The following SUGCT variants were observed in gnomAD, a reference collection of about 807,000 sequenced individuals.
The protein encoded by SUGCT is succinyl-CoA:glutarate-CoA transferase.
A neutral mutation model predicts 55.0 loss-of-function variants in SUGCT; 41 were observed. The ratio of observed to expected loss-of-function variants is 0.74; its 90% CI spans 0.58 to 0.97. The LOEUF (loss-of-function observed/expected upper bound fraction) is 0.97. SUGCT is among the 50% of genes least tolerant of loss of function. The pLI is 0.00. For synonymous variants in SUGCT, 187 were observed against 200.4 expected, an observed-to-expected ratio of 0.93 and a Z score of 0.56; for missense variants, 568 against 547.8, an observed-to-expected ratio of 1.04 and a Z score of -0.37.
intron 12 of SUGCT, among the ~76,000 whole-genome samples, chr7:40,637,615 C>T (rs1337993556): frequency 6.6e-6 from 1 of 152,228 alleles, no homozygotes; most frequent in Non-Finnish European, 1.5e-5. Flanking sequence ...ACCCCCACTT[C>T]AGCGTGATGG....
At chr7:40,828,314 G>T (rs906004644) in intron 13 of SUGCT, among the ~76,000 whole-genome samples, 1 of 152,148 alleles carries the variant, frequency 6.6e-6, no homozygotes, top group African/African-American at 2.4e-5. Flanking sequence ...GTTCCAGTTG[G>T]GGGCTATAGG....
chr7:40,773,790 G>A (rs1789310218), intron 13 of SUGCT, among the ~76,000 whole-genome samples: 1 of 152,106 alleles, frequency 6.6e-6, no homozygotes, highest in Non-Finnish European at 1.5e-5. Context: ...AGAAAGTTGA[G>A]GTCAAGCAAT....
chr7:40,699,030 T>C (rs1345881968), intron 12 of SUGCT, among the ~76,000 whole-genome samples: 1 of 151,956 alleles, frequency 6.6e-6, no homozygotes, highest in Non-Finnish European at 1.5e-5. Flanking sequence ...GATCTGGGAG[T>C]AGGTTTTGAT....
intron 13 of SUGCT, among the ~76,000 whole-genome samples, chr7:40,854,945 AC>A (rs1794093630): frequency 6.6e-6 from 1 of 152,056 alleles, no homozygotes; most frequent in South Asian, 2.1e-4. Flanking sequence ...CTTAAAAAAA[AC>A]AAAAAGTTGA....
chr7:40,623,624 C>T (rs537321944), intron 12 of SUGCT, among the ~76,000 whole-genome samples: 1 of 152,146 alleles, frequency 6.6e-6, no homozygotes, highest in Non-Finnish European at 1.5e-5. Context: ...ACTATTTTAG[C>T]TTTTGGACTT....
At chr7:40,625,862 T>C (rs560503913) in intron 12 of SUGCT, among the ~76,000 whole-genome samples, 7 of 152,214 alleles carry the variant, frequency 4.6e-5, no homozygotes, top group Non-Finnish European at 1.0e-4. Context: ...TTGATTGCTT[T>C]TTCCATGAAC....
the SUGCT span, among the ~76,000 whole-genome samples, chr7:41,015,482 C>A: frequency 1.3e-5 from 2 of 152,142 alleles, no homozygotes; most frequent in East Asian, 3.9e-4. Context: ...ACACCAGAAT[C>A]TTTGAAAGTA....
At chr7:40,922,911 A>C in the SUGCT span, among the ~76,000 whole-genome samples, 2 of 152,186 alleles carry the variant, frequency 1.3e-5, no homozygotes, top group African/African-American at 4.8e-5. Context: ...ATACCAAGTA[A>C]TTACTAATAG....
At chr7:40,366,535 C>G (rs571037622) in intron 9 of SUGCT, among the ~76,000 whole-genome samples, 3 of 152,146 alleles carry the variant, frequency 2.0e-5, no homozygotes, top group Admixed American at 6.5e-5. Context: ...GGCTAATATC[C>G]AGAATCTACA....
intron 8 of SUGCT, among the ~76,000 whole-genome samples, chr7:40,292,885 C>T (rs550290960): frequency 6.6e-6 from 1 of 152,202 alleles, no homozygotes; most frequent in South Asian, 2.1e-4. Flanking sequence ...TATTCTGATA[C>T]ACATTCTACT....
intron 12 of SUGCT, among the ~76,000 whole-genome samples, chr7:40,577,289 G>C (rs1488791532): frequency 6.6e-6 from 1 of 150,570 alleles, no homozygotes; most frequent in African/African-American, 2.4e-5. Flanking sequence ...TGTCTACTCT[G>C]AGTGGAGGAG....
In SUGCT at chr7:40,644,132, C is replaced by T. The variant is rs1800389121; in HGVS notation, c.1090-105302C>T. On this transcript the variant is annotated intron_variant, in intron 12 of 13. Transcript: ENST00000335693. Reference sequence around the variant, plus strand: ...CTAACTGACTCCTGCATCAGCTTCTCTGTAAGTTCTGAAACTATAGGAGGG... The same window carrying T: ...CTAACTGACTCCTGCATCAGCTTCTTTGTAAGTTCTGAAACTATAGGAGGG... Among the ~76,000 whole-genome samples the T allele has an allele frequency of 5.3e-5, 8 of 152,166 alleles. No individual in the cohort carries two copies. In the South Asian group the frequency reaches 1.7e-3, roughly 32 times the overall value.
chr7:40,752,099 C>CA (rs1012182803), intron 13 of SUGCT, among the ~76,000 whole-genome samples: 6 of 152,176 alleles, frequency 3.9e-5, no homozygotes, highest in Non-Finnish European at 7.3e-5. Context: ...TTGTTTATCC[C>CA]ATGCATGTGG....
intron 13 of SUGCT, among the ~76,000 whole-genome samples, chr7:40,768,960 T>C (rs1383801671): frequency 6.6e-6 from 1 of 152,116 alleles, no homozygotes; most frequent in Non-Finnish European, 1.5e-5. Flanking sequence ...AGTGTGTCTA[T>C]TAGGAGAAGT....
chr7:40,844,722 C>T (rs372082810), intron 13 of SUGCT, among the ~76,000 whole-genome samples: 86 of 152,322 alleles, frequency 5.6e-4, no homozygotes, highest in African/African-American at 1.9e-3. Context: ...CGCCAGGGAC[C>T]GCCCTCTTCT....
the SUGCT span, among the ~76,000 whole-genome samples, chr7:40,921,710 A>G: frequency 6.6e-6 from 1 of 152,128 alleles, no homozygotes; most frequent in African/African-American, 2.4e-5. Flanking sequence ...CAAAGCTACC[A>G]ACCCCCGGGG....
intron 12 of SUGCT, among the ~76,000 whole-genome samples, chr7:40,702,142 G>A (rs1289258204): frequency 1.3e-5 from 2 of 152,196 alleles, no homozygotes; most frequent in African/African-American, 4.8e-5. Flanking sequence ...TCTGCCTGAG[G>A]CAGGGTGTTT....
At chr7:41,023,122 G>A in the SUGCT span, among the ~76,000 whole-genome samples, 1 of 152,142 alleles carries the variant, frequency 6.6e-6, no homozygotes, top group South Asian at 2.1e-4. Flanking sequence ...CAGCATGTCA[G>A]GTTTTCTCTT....
chr7:40,843,771 C>A (rs1349139331), intron 13 of SUGCT, among the ~76,000 whole-genome samples: 2 of 152,036 alleles, frequency 1.3e-5, no homozygotes, highest in Non-Finnish European at 2.9e-5. Context: ...TGTAGAACCC[C>A]ATCGCCTATT....
Sources: gnomAD v4.1 joint callset for allele counts (sites outside exome capture counted in the v4.1 genomes callset) on GRCh38, gnomAD v4.1.1 for gene constraint, MANE v1.5 for transcripts, NCBI Gene and HGNC (gene_info 2026-07-23, HGNC 2026-07-21) for gene names.